Variants in U2AF2 observed in about 807,000 individuals in gnomAD.
U2AF2 encodes U2 small nuclear RNA auxiliary factor 2.
A neutral mutation model predicts 52.6 loss-of-function variants in U2AF2; 6 were observed. The observed-to-expected ratio is 0.11, with a 90% CI of 0.06 to 0.23. The LOEUF (loss-of-function observed/expected upper bound fraction) is 0.23. U2AF2 is among the 10% of genes least tolerant of loss of function. U2AF2 has a pLI of 1.00. For synonymous variants in U2AF2, 284 were observed against 258.2 expected, an observed-to-expected ratio of 1.10 and a Z score of -0.96; for missense variants, 222 against 677.1, an observed-to-expected ratio of 0.33 and a Z score of 7.46.
rs766040578 is a variant in U2AF2, at chr19:55,669,669, G to A, written c.1270G>A (p.Val424Ile). 2.5e-6 allele frequency: 4 copies of A among 1,610,326 alleles called. No individual in the cohort carries two copies. The highest frequency in any genetic ancestry group is 2.2e-5 in the East Asian group (1 of 44,856). ...SIEIPRPVDG[V>I]EVPGCGKIFV... ...CGAGATCCCCCGGCCTGTGGACGGCGTCGAGGTGCCCGGCTGCGGAAAGGT... is the reference window on the plus strand; with the variant it reads ...CGAGATCCCCCGGCCTGTGGACGGCATCGAGGTGCCCGGCTGCGGAAAGGT... Residue 424 changes from valine to isoleucine, a missense_variant, in exon 11 of 12, where the codon GTC becomes ATC. By Grantham distance (29) the Val-to-Ile change is conservative (BLOSUM62 3). Around this residue, in one of 4 missense-constraint regions of U2AF2, gnomAD observed 71 missense variants for 180.6 expected, o/e 0.39. Transcript: ENST00000308924.
Position 55,668,867 on chromosome 19 carries a change from C to CT in U2AF2, c.945+76dup. On this transcript the variant is annotated intron_variant, in intron 9 of 11. Transcript: ENST00000308924. The surrounding 1 kb of genome is among the most constrained non-coding windows in gnomAD (Gnocchi z 5.5). ...CGCTGTTGCCAAGCCATGGTCTCCCCTCCTCAGGGGACGGGGCGGGAGGCG... is the reference window on the plus strand; with the variant it reads ...CGCTGTTGCCAAGCCATGGTCTCCCCTTCCTCAGGGGACGGGGCGGGAGGCG... 1 of 1,563,878 alleles carries CT rather than the reference C, an allele frequency of 6.4e-7. No individual in the cohort carries two copies.
rs919590461 is a variant in U2AF2 at position 55,668,890 on chromosome 19, G to A, written c.945+98G>A. On this transcript the variant is annotated intron_variant, in intron 9 of 11. Coordinates refer to ENST00000308924, the MANE Select transcript of U2AF2 (RefSeq NM_007279.3). This position sits in a 1 kb window ranked among gnomAD's most constrained non-coding sequence, Gnocchi z 5.5. ...CCCTCCTCAGGGGACGGGGCGGGAG[G>A]CGGCCAACCTGAGGCAGTGCCCTGT... 6.5e-7 allele frequency: 1 copy of A among 1,541,726 alleles called. No homozygotes were observed. The highest frequency in any genetic ancestry group is 2.3e-5 in the East Asian group (1 of 44,104).
chr19:55,660,254 T>C, intron 3 of U2AF2, 33 bp downstream of exon 3: 1 of 1,607,384 alleles, frequency 6.2e-7, no homozygotes, highest in Non-Finnish European at 8.5e-7. Context: ...TCCTCCCTGA[T>C]GTCCACTCCC....
In U2AF2 at chr19:55,660,496, T is replaced by TGGC; in HGVS notation, c.231-20_231-19insGGC. ...AGACTGAGGTTGCCCTGCCCCGCTC[T>TGGC]CCCCTCCCACCTCCCCCAGTCGTTC... On this transcript the variant is annotated intron_variant, in intron 3 of 11. Transcript: ENST00000308924. The TGGC allele has an allele frequency of 3.4e-6, 3 of 894,566 alleles. No homozygotes were observed. Among genetic ancestry groups the TGGC allele is most frequent in the Non-Finnish European group, 5.4e-6 (3 of 553,294 alleles). 55.4% of individuals were successfully genotyped at this position (894,566 alleles called of 1,614,324 possible).
At chr19:55,661,625 C>A in intron 5 of U2AF2, 1 of 168,460 alleles carries the variant, frequency 5.9e-6, no homozygotes, top group East Asian at 1.7e-4. Context: ...CACGTCCCTC[C>A]CATGGTCGCT....
chr19:55,669,279 AGGCATTTGGGG>A (rs1260670412), intron 10 of U2AF2, 98 bp downstream of exon 10: 4 of 1,556,996 alleles, frequency 2.6e-6, no homozygotes, highest in African/African-American at 2.7e-5. Flanking sequence ...TTTCATGGGA[AGGCATTTGGGG>A]GGCATTCAGT....
At chr19:55,660,069 C>T (rs898373288) in intron 2 of U2AF2, 108 bp from the exon 3 acceptor site, 34 of 1,011,176 alleles carry the variant, frequency 3.4e-5, no homozygotes, top group East Asian at 2.2e-4. Flanking sequence ...TTGTTGACCT[C>T]GGCCCTGCTC....
intron 4 of U2AF2, 57 bp from the exon 5 acceptor site, chr19:55,660,981 G>A: frequency 6.6e-7 from 1 of 1,526,018 alleles, no homozygotes; most frequent in African/African-American, 1.4e-5. Flanking sequence ...TGTGGTGAGG[G>A]GTGGTCACTG....
chr19:55,658,590 G>A (rs1213385770), intron 1 of U2AF2, among the ~76,000 whole-genome samples: 1 of 152,102 alleles, frequency 6.6e-6, no homozygotes, highest in Non-Finnish European at 1.5e-5. Context: ...CCCCTGACCT[G>A]CTGAAGGAGA....
At chr19:55,658,835 ACAT>A (rs1315516346) in intron 1 of U2AF2, 1 of 188,682 alleles carries the variant, frequency 5.3e-6, no homozygotes, top group Non-Finnish European at 1.1e-5. Flanking sequence ...CTTCAGGAAA[ACAT>A]CATTGGGTCT....
At chr19:55,656,681 T>A (rs533158819) in intron 1 of U2AF2, among the ~76,000 whole-genome samples, 27 of 152,306 alleles carry the variant, frequency 1.8e-4, no homozygotes, top group African/African-American at 6.5e-4. Flanking sequence ...CCAAAATGAT[T>A]TCCACCTCTA....
chr19:55,665,514 C>T lies in U2AF2; in HGVS notation c.742+1770C>T, dbSNP rs530247320. On this transcript the variant is annotated intron_variant, in intron 7 of 11. Transcript: ENST00000308924. ...ACAGGGATTGGCGCTGTCCTAAGTG[C>T]CCTCCATGGACGGCAGTTCTACGAC... Among the ~76,000 whole-genome samples the T allele has an allele frequency of 9.2e-4, 125 of 135,462 alleles. 1 individual carries two copies. Among genetic ancestry groups the T allele is most frequent in the African/African-American group, 3.4e-3 (119 of 35,314 alleles). 88.9% of individuals were successfully genotyped at this position (135,462 alleles called of 152,430 possible). A position where few individuals can be genotyped will look rare whatever the true frequency, so the allele number is the denominator to read the frequency against.
chr19:55,672,906 G>A (rs1006319944), intron 11 of U2AF2, among the ~76,000 whole-genome samples: 1 of 151,418 alleles, frequency 6.6e-6, no homozygotes, highest in Admixed American at 6.6e-5. Flanking sequence ...GCCTCCCAAA[G>A]TACTGGGATT....
intron 1 of U2AF2, among the ~76,000 whole-genome samples, chr19:55,656,360 G>A (rs1202895104): frequency 6.6e-6 from 1 of 152,222 alleles, no homozygotes; most frequent in African/African-American, 2.4e-5. Context: ...TCCTGGGGAA[G>A]CAATAACGTT....
In U2AF2 at chr19:55,655,052, C is replaced by A; in HGVS notation, c.-53C>A. On this transcript the variant is annotated 5_prime_UTR_variant, in exon 1 of 12. Transcript: ENST00000308924. Reference sequence around the variant, plus strand: ...GCGGAAGTAGCCGAAGCGGCTGGAGCGGGCGGCAAGGCGAGGCGAAAGCTG... The same window carrying A: ...GCGGAAGTAGCCGAAGCGGCTGGAGAGGGCGGCAAGGCGAGGCGAAAGCTG... 1 of 1,596,850 alleles carries A rather than the reference C, an allele frequency of 6.3e-7. No individual in the cohort carries two copies.
intron 11 of U2AF2, 22 bp from the exon 12 acceptor site, chr19:55,673,912 C>T (rs772509682): frequency 1.9e-6 from 3 of 1,600,018 alleles, no homozygotes; most frequent in Non-Finnish European, 2.6e-6. Context: ...TGTTCACAAA[C>T]CTGCCTCTCC....
At chr19:55,671,636 C>G (rs1167005985) in intron 11 of U2AF2, 2 of 152,370 alleles carry the variant, frequency 1.3e-5, no homozygotes, top group African/African-American at 4.8e-5. Context: ...CCAACGGCAT[C>G]TCCTCTCACT....
intron 1 of U2AF2, among the ~76,000 whole-genome samples, chr19:55,656,517 A>T (rs908529006): frequency 6.6e-6 from 1 of 152,164 alleles, no homozygotes; most frequent in Non-Finnish European, 1.5e-5. Flanking sequence ...TTGTAGACTG[A>T]TTATTATTTT....
At position 55,668,502 on chromosome 19, in the gene U2AF2, C is replaced by A; in HGVS notation, c.743-5C>A. Reference sequence around the variant, plus strand: ...AATTGAAGTCCTCCTCTTCTCTACCCATAGGGGTTGTGTCCACTGTGGTCC... The same window carrying A: ...AATTGAAGTCCTCCTCTTCTCTACCAATAGGGGTTGTGTCCACTGTGGTCC... On this transcript the variant is annotated splice_region_variant and splice_polypyrimidine_tract_variant and intron_variant, in intron 7 of 11. Coordinates refer to ENST00000308924, the MANE Select transcript of U2AF2 (RefSeq NM_007279.3). The surrounding 1 kb of genome is among the most constrained non-coding windows in gnomAD (Gnocchi z 5.5). 6.3e-7 allele frequency: 1 copy of A among 1,591,086 alleles called. No homozygotes were observed. The highest frequency in any genetic ancestry group is 1.1e-5 in the South Asian group (1 of 87,312).
Sources: allele counts gnomAD v4.1 joint callset (sites outside exome capture counted in the v4.1 genomes callset), GRCh38; gene constraint gnomAD v4.1.1; regional missense constraint gnomAD v4.1.1; non-coding constraint Gnocchi (gnomAD v3.1); transcripts MANE v1.5; gene names NCBI Gene and HGNC (gene_info 2026-07-23, HGNC 2026-07-21).